SCN3A: variants seen among roughly 807,000 people sequenced by gnomAD.
SCN3A encodes sodium voltage-gated channel alpha subunit 3.
SCN3A carries 60 observed loss-of-function variants against 187.6 expected under a neutral mutation model. That is an observed-to-expected ratio of 0.32 (90% confidence interval 0.26 to 0.40). The LOEUF (loss-of-function observed/expected upper bound fraction) is 0.40. SCN3A is among the 10% of genes least tolerant of loss of function. SCN3A has a pLI of 1.00. For synonymous variants in SCN3A, 788 were observed against 829.2 expected (o/e 0.95, Z 0.85); for missense variants, 1,601 against 2,428.2 (o/e 0.66, Z 7.16).
At chr2:165,100,743 C>T (rs575215849) in intron 21 of SCN3A, among the ~76,000 whole-genome samples, 1 of 152,232 alleles carries the variant, frequency 6.6e-6, no homozygotes, top group Admixed American at 6.5e-5. Context: ...AATGCCAGAT[C>T]CTTCATGGAT....
At position 165,162,764 on chromosome 2, in the gene SCN3A, C is replaced by T. The variant is rs1376254321; in HGVS notation, c.759G>A (p.Leu253=). ...SVKKLSDVMI[L]TVFCLSVFAL... ...CAAACACGCTCAGACAGAACACAGT[C>T]AGGATCATCACATCAGAAAGCTTCT... Residue 253 remains leucine (L), a synonymous_variant, in exon 8 of 28, where the codon CTG becomes CTA. Coordinates refer to ENST00000283254, the MANE Select transcript of SCN3A (RefSeq NM_006922.4). 6.2e-7 allele frequency: 1 copy of T among 1,614,114 alleles called. No individual in the cohort carries two copies. Among genetic ancestry groups the T allele is most frequent in the African/African-American group, 1.3e-5 (1 of 75,020 alleles).
At chr2:165,176,063 C>T in intron 3 of SCN3A, 68 bp downstream of exon 3, 1 of 1,491,470 alleles carries the variant, frequency 6.7e-7, no homozygotes, top group Non-Finnish European at 9.3e-7. Flanking sequence ...GTATATAAGG[C>T]CCAGAAAAGT....
At chr2:165,091,485 T>C in intron 27 of SCN3A, 140 bp from the exon 28 acceptor site, 1 of 1,073,944 alleles carries the variant, frequency 9.3e-7, no homozygotes, top group Non-Finnish European at 1.4e-6. Flanking sequence ...CTCCCTGACA[T>C]TAGCAATTAC....
At chr2:165,198,358 G>A (rs1692102124) in intron 1 of SCN3A, among the ~76,000 whole-genome samples, 1 of 151,906 alleles carries the variant, frequency 6.6e-6, no homozygotes, top group Admixed American at 6.6e-5. Flanking sequence ...TTCTAAATAT[G>A]GTCAAGAGGT....
intron 22 of SCN3A, among the ~76,000 whole-genome samples, chr2:165,098,450 C>T (rs890176520): frequency 3.3e-5 from 5 of 152,124 alleles, no homozygotes; most frequent in Non-Finnish European, 7.4e-5. Context: ...AAATTGTAAA[C>T]ATTTCCTATG....
intron 12 of SCN3A, among the ~76,000 whole-genome samples, chr2:165,145,681 G>T: frequency 6.6e-6 from 1 of 151,500 alleles, no homozygotes; most frequent in African/African-American, 2.4e-5. Context: ...TATTACTTCT[G>T]GTTTTTTTTA....
intron 18 of SCN3A, among the ~76,000 whole-genome samples, chr2:165,122,023 A>AT (rs1414575971): frequency 6.6e-6 from 1 of 152,150 alleles, no homozygotes; most frequent in Admixed American, 6.5e-5. Context: ...CAATTACTTA[A>AT]TGATCAAGAT....
rs201452132 is a variant in SCN3A at position 165,100,409 on chromosome 2, G to A, written c.3859C>T (p.Leu1287=). The A allele has an allele frequency of 1.1e-4, 177 of 1,613,614 alleles. No individual in the cohort carries two copies. The highest frequency in any genetic ancestry group is 1.4e-4 in the Non-Finnish European group (170 of 1,179,848). ...FLIVDVSLVS[L]VANALGYSEL... ...GAGTAGCCAAGAGCATTGGCTACCA[G>A]GCTAACCAAAGAAACCTACAAAAGG... Residue 1287 remains leucine, a synonymous_variant, in exon 22 of 28, where the codon CTG becomes TTG. Coordinates refer to ENST00000283254, the MANE Select transcript of SCN3A (RefSeq NM_006922.4).
chr2:165,189,247 A>AATTT (rs1425621089), intron 1 of SCN3A, among the ~76,000 whole-genome samples: 1 of 152,218 alleles, frequency 6.6e-6, no homozygotes, highest in Admixed American at 6.5e-5. Flanking sequence ...AACATGCTCA[A>AATTT]CAGACATCTT....
chr2:165,139,616 C>A lies in SCN3A; in HGVS notation c.2020-8G>T, dbSNP rs2105807170. 6.2e-7 allele frequency: 1 copy of A among 1,613,720 alleles called. No homozygotes were observed. The highest frequency in any genetic ancestry group is 8.5e-7 in the Non-Finnish European group (1 of 1,179,776). ...CGTTTCTGTGGTGGTGCCCTGCAAA[C>A]CAAATACTGATGGCTCAAACCACTC... On this transcript the variant is annotated splice_polypyrimidine_tract_variant and splice_region_variant and intron_variant, in intron 13 of 27. Coordinates refer to ENST00000283254, the MANE Select transcript of SCN3A (RefSeq NM_006922.4).
At chr2:165,101,994 A>G (rs888373594) in intron 21 of SCN3A, among the ~76,000 whole-genome samples, 1 of 152,268 alleles carries the variant, frequency 6.6e-6, no homozygotes, top group African/African-American at 2.4e-5. Flanking sequence ...TTGCTGTTAT[A>G]GAAGACTGGA....
At chr2:165,111,499 ACACAC>A (rs1686114910) in intron 21 of SCN3A, among the ~76,000 whole-genome samples, 2 of 135,398 alleles carry the variant, frequency 1.5e-5, no homozygotes, top group Admixed American at 7.0e-5. Context: ...ACACACACAC[ACACAC>A]ACACACACAC....
intron 2 of SCN3A, among the ~76,000 whole-genome samples, chr2:165,179,113 C>G (rs1016569455): frequency 1.3e-5 from 2 of 151,616 alleles, no homozygotes; most frequent in Admixed American, 6.6e-5. Flanking sequence ...TTCTATGAAA[C>G]ACGGTCGCTT....
At chr2:165,118,963 C>T (rs897636773) in intron 18 of SCN3A, among the ~76,000 whole-genome samples, 6 of 152,018 alleles carry the variant, frequency 3.9e-5, no homozygotes, top group African/African-American at 1.2e-4. Context: ...GGGGTTTCAC[C>T]ATGTTAGCCA....
At chr2:165,188,822 A>G (rs1043571118) in intron 1 of SCN3A, among the ~76,000 whole-genome samples, 13 of 151,780 alleles carry the variant, frequency 8.6e-5, no homozygotes, top group African/African-American at 3.1e-4. Context: ...AAAAAAAAAA[A>G]AAAAAGAATC....
chr2:165,187,694 C>A (rs1691330242), intron 1 of SCN3A, among the ~76,000 whole-genome samples: 1 of 152,186 alleles, frequency 6.6e-6, no homozygotes, highest in African/African-American at 2.4e-5. Flanking sequence ...TTGTTCAAAT[C>A]TGTCAGTGGC....
At chr2:165,199,500 C>T (rs1692186200) in intron 1 of SCN3A, among the ~76,000 whole-genome samples, 1 of 151,424 alleles carries the variant, frequency 6.6e-6, no homozygotes, top group African/African-American at 2.4e-5. Flanking sequence ...ATTCATAGAT[C>T]TTGGGTAAAA....
At chr2:165,158,409 G>T (rs1342202480) in intron 9 of SCN3A, among the ~76,000 whole-genome samples, 1 of 136,272 alleles carries the variant, frequency 7.3e-6, no homozygotes, top group Non-Finnish European at 1.5e-5. Flanking sequence ...CCTCACAAAA[G>T]ATTTTTTTTT....
intron 11 of SCN3A, among the ~76,000 whole-genome samples, chr2:165,149,255 A>T (rs911536973): frequency 7.2e-5 from 11 of 151,898 alleles, no homozygotes; most frequent in South Asian, 2.1e-4. Context: ...GGCTCACTGC[A>T]ACCTCCACCC....
Sources: allele counts gnomAD v4.1 joint callset (sites outside exome capture counted in the v4.1 genomes callset), GRCh38; gene constraint gnomAD v4.1.1; transcripts MANE v1.5; gene names NCBI Gene and HGNC (gene_info 2026-07-23, HGNC 2026-07-21).